Variants in CNOT6L observed in about 807,000 individuals in gnomAD.
CNOT6L encodes the protein CCR4-NOT transcription complex subunit 6-like.
Under a neutral mutation model 64.0 loss-of-function variants are expected in CNOT6L, and 7 were observed. The observed-to-expected ratio is 0.11, with a 90% CI of 0.06 to 0.21. The LOEUF (loss-of-function observed/expected upper bound fraction) is 0.21, where lower values mean the gene tolerates loss of function less well. Among genes scored for constraint, CNOT6L ranks in the 10% least tolerant of loss-of-function variants. CNOT6L has a pLI of 1.00. For synonymous variants in CNOT6L, 193 were observed against 243.4 expected, an observed-to-expected ratio of 0.79 and a Z score of 1.93; for missense variants, 245 against 669.0, an observed-to-expected ratio of 0.37 and a Z score of 6.99.
intron 1 of CNOT6L, among the ~76,000 whole-genome samples, chr4:77,813,050 AC>A (rs1733134613): frequency 6.6e-6 from 1 of 152,170 alleles, no homozygotes; most frequent in South Asian, 2.1e-4. Context: ...CTCCACACTT[AC>A]AGTTAATTAA....
At chr4:77,756,090 T>A (rs748301262) in intron 5 of CNOT6L, among the ~76,000 whole-genome samples, 18 of 152,110 alleles carry the variant, frequency 1.2e-4, no homozygotes, top group Non-Finnish European at 2.5e-4. Context: ...TTCAAGGGAT[T>A]CTCCTGTCTC....
chr4:77,798,106 A>T (rs1425201267), intron 1 of CNOT6L, among the ~76,000 whole-genome samples: 2 of 152,136 alleles, frequency 1.3e-5, no homozygotes, highest in Non-Finnish European at 2.9e-5. Context: ...AAGGAGAAGC[A>T]CTTGAGACCA....
chr4:77,756,962 A>G lies in CNOT6L; in HGVS notation c.401-11T>C. ...GTGATAAAGGATTGCCTAAAGCAGA[A>G]GACAAAAATAAAACCTTTAAAACTT... On this transcript the variant is annotated splice_polypyrimidine_tract_variant and intron_variant, in intron 4 of 11. Transcript: ENST00000504123. The G allele has an allele frequency of 6.6e-7, 1 of 1,522,182 alleles. No homozygotes were observed. Among genetic ancestry groups the G allele is most frequent in the Non-Finnish European group, 9.0e-7 (1 of 1,111,180 alleles). 94.3% of individuals were successfully genotyped at this position (1,522,182 alleles called of 1,614,324 possible). A position where few individuals can be genotyped will look rare whatever the true frequency, so the allele number is the denominator to read the frequency against.
At chr4:77,816,082 A>G (rs1733542353) in intron 1 of CNOT6L, among the ~76,000 whole-genome samples, 2 of 152,228 alleles carry the variant, frequency 1.3e-5, no homozygotes, top group African/African-American at 2.4e-5. Context: ...TTAAAAGCCC[A>G]TTTAAGTAAC....
rs1287008058 is a variant in CNOT6L, at chr4:77,757,032, C to T, written c.401-81G>A. Reference sequence around the variant, plus strand: ...GAAATGTATACTATAAAATAAAATACTAATTTCTTAAATTCAATTTCTTAA... The same window carrying T: ...GAAATGTATACTATAAAATAAAATATTAATTTCTTAAATTCAATTTCTTAA... On this transcript the variant is annotated intron_variant, in intron 4 of 11. Coordinates refer to ENST00000504123, the MANE Select transcript of CNOT6L (RefSeq NM_144571.3). 6.0e-5 allele frequency: 36 copies of T among 599,052 alleles called. No homozygotes were observed. The East Asian group carries it at 1.0e-3, about 17-fold the overall frequency. The allele number at this position is 599,052 out of a possible 1,614,324, so 37.1% of individuals were successfully genotyped here.
chr4:77,750,917 C>A (rs1724782214), intron 5 of CNOT6L, among the ~76,000 whole-genome samples: 1 of 152,184 alleles, frequency 6.6e-6, no homozygotes, highest in South Asian at 2.1e-4. Context: ...TAAACCTAAA[C>A]AGGGTAACTG....
chr4:77,739,218 G>C (rs193251001), intron 8 of CNOT6L, among the ~76,000 whole-genome samples: 1 of 152,046 alleles, frequency 6.6e-6, no homozygotes, highest in South Asian at 2.1e-4. Context: ...TGCGTATTCT[G>C]TACCAGTTTT....
chr4:77,814,019 T>C (rs1218841662), intron 1 of CNOT6L, among the ~76,000 whole-genome samples: 1 of 152,162 alleles, frequency 6.6e-6, no homozygotes, highest in Non-Finnish European at 1.5e-5. Flanking sequence ...AAGATAAATG[T>C]GGTGTATTCT....
intron 1 of CNOT6L, among the ~76,000 whole-genome samples, chr4:77,791,078 G>C (rs553127632): frequency 5.9e-5 from 9 of 152,102 alleles, no homozygotes; most frequent in African/African-American, 2.2e-4. Context: ...AGGAGTTCCA[G>C]ACCAGACTGA....
intron 10 of CNOT6L, 67 bp downstream of exon 10, chr4:77,728,787 C>G (rs1170675356): frequency 8.1e-7 from 1 of 1,240,478 alleles, no homozygotes; most frequent in African/African-American, 1.5e-5. Context: ...AATTTAGGAG[C>G]TAGCTGGCCT....
rs1337753115 is a variant in CNOT6L at position 77,713,552 on chromosome 4, AGTT to A, written c.*6876_*6878del. ...AAAATATTTTGTTATCTGACATAGT[AGTT>A]AAGGTTCTTAAGCACCTCCCTTCTG... On this transcript the variant is annotated 3_prime_UTR_variant, in exon 12 of 12. Coordinates refer to ENST00000504123, the MANE Select transcript of CNOT6L (RefSeq NM_144571.3). 1.3e-5 allele frequency: 2 copies of A among 152,624 alleles called. No individual in the cohort carries two copies. The highest frequency in any genetic ancestry group is 4.8e-5 in the African/African-American group (2 of 41,442). The allele number at this position is 152,624 out of a possible 1,614,324, so 9.5% of individuals were successfully genotyped here.
At chr4:77,812,130 T>C (rs771662551) in intron 1 of CNOT6L, among the ~76,000 whole-genome samples, 47 of 152,100 alleles carry the variant, frequency 3.1e-4, no homozygotes, top group South Asian at 1.5e-3. Context: ...ATGTAGAAAA[T>C]CTTATGGAAT....
intron 11 of CNOT6L, among the ~76,000 whole-genome samples, chr4:77,725,011 CAG>C (rs1349966803): frequency 6.6e-6 from 1 of 152,188 alleles, no homozygotes; most frequent in Non-Finnish European, 1.5e-5. Context: ...CACCACAAAT[CAG>C]AGCTTTTTCC....
rs1727768842 is a variant in CNOT6L, at chr4:77,773,097, T to C, written c.384A>G (p.Gln128=). ...ATCACTTACCTTTCAAACCTAGAGT[T>C]TGTAGCTGGAAGAGCCGACCAAGTT... ...PYELGRLFQL[Q]TLGLKGNPLS... Residue 128 remains glutamine, a synonymous_variant, in exon 4 of 12, where the codon CAA becomes CAG. Transcript: ENST00000504123. The C allele has an allele frequency of 6.2e-7, 1 of 1,603,590 alleles. No homozygotes were observed. The highest frequency in any genetic ancestry group is 1.7e-5 in the Admixed American group (1 of 58,162).
At chr4:77,763,879 C>T (rs1287556152) in intron 4 of CNOT6L, among the ~76,000 whole-genome samples, 5 of 151,918 alleles carry the variant, frequency 3.3e-5, no homozygotes, top group Admixed American at 6.6e-5. Context: ...TTTAAATAAC[C>T]GACAAGTCAA....
At chr4:77,748,459 C>A in intron 5 of CNOT6L, 75 bp from the exon 6 acceptor site, 1 of 963,354 alleles carries the variant, frequency 1.0e-6, no homozygotes, top group Non-Finnish European at 1.7e-6. Context: ...ATGTCAAAAA[C>A]ACTTCTGTTT....
chr4:77,768,007 T>C (rs1727058224), intron 4 of CNOT6L, among the ~76,000 whole-genome samples: 1 of 148,496 alleles, frequency 6.7e-6, no homozygotes, highest in South Asian at 2.1e-4. Flanking sequence ...AAAAATCAGT[T>C]ACAAATGAAT....
chr4:77,772,763 A>T (rs535446328), intron 4 of CNOT6L, among the ~76,000 whole-genome samples: 21 of 152,232 alleles, frequency 1.4e-4, no homozygotes, highest in Admixed American at 5.9e-4. Context: ...TCTACTAAAA[A>T]TACAAAAAAA....
At chr4:77,813,289 T>TTAGA (rs147385945) in intron 1 of CNOT6L, among the ~76,000 whole-genome samples, 120,037 of 151,658 alleles carry the variant, frequency 0.79, 48,252 homozygotes, top group Non-Finnish European at 0.86. Flanking sequence ...ATTAGATATA[T>TTAGA]TAGATAGATT....
Sources: allele counts gnomAD v4.1 joint callset (sites outside exome capture counted in the v4.1 genomes callset), GRCh38; gene constraint gnomAD v4.1.1; transcripts MANE v1.5; gene names NCBI Gene and HGNC (gene_info 2026-07-23, HGNC 2026-07-21).